The following RFC3 variants were observed in gnomAD, a reference collection of about 807,000 sequenced individuals.
RFC3 encodes replication factor C subunit 3, also known as A1 38 kDa subunit.
In RFC3, 41 loss-of-function variants were observed where a neutral mutation model predicts 45.1. That is an observed-to-expected ratio of 0.91 (90% CI 0.71 to 1.18). The LOEUF is 1.18. RFC3 is among the 50% of genes most tolerant of loss of function. The pLI is 0.00. For missense variants in RFC3, 423 were observed against 428.1 expected (o/e 0.99, Z 0.10); for synonymous variants, 149 against 144.0 (o/e 1.03, Z -0.25).
intron 8 of RFC3, among the ~76,000 whole-genome samples, chr13:33,894,853 ATACT>A (rs1284716350): frequency 6.6e-6 from 1 of 152,212 alleles, no homozygotes; most frequent in African/African-American, 2.4e-5. Context: ...ATAAAGCCAA[ATACT>A]TACAACCAAC....
intron 8 of RFC3, among the ~76,000 whole-genome samples, chr13:33,888,334 G>T (rs1379684248): frequency 2.0e-5 from 3 of 152,148 alleles, no homozygotes; most frequent in Admixed American, 1.3e-4. Flanking sequence ...CACCCTTCAA[G>T]ACTTACCTCA....
At chr13:33,901,747 T>A (rs1055833246) in intron 8 of RFC3, among the ~76,000 whole-genome samples, 10 of 152,226 alleles carry the variant, frequency 6.6e-5, no homozygotes, top group African/African-American at 2.4e-4. Context: ...CCCATGTACA[T>A]TGATTTGATC....
chr13:33,929,407 T>C (rs1462875455), intron 8 of RFC3, among the ~76,000 whole-genome samples: 2 of 152,156 alleles, frequency 1.3e-5, no homozygotes, highest in Non-Finnish European at 2.9e-5. Context: ...CTATACTTTC[T>C]TTATAGAGAT....
intron 8 of RFC3, among the ~76,000 whole-genome samples, chr13:33,842,575 C>G (rs911597094): frequency 1.3e-5 from 2 of 152,166 alleles, no homozygotes; most frequent in Admixed American, 6.5e-5. Flanking sequence ...AATTCTGCTC[C>G]TTTTCCTCAA....
chr13:33,819,258 TA>T (rs2081979650), intron 1 of RFC3, among the ~76,000 whole-genome samples: 1 of 152,178 alleles, frequency 6.6e-6, no homozygotes, highest in South Asian at 2.1e-4. Context: ...TTGTAGTTGA[TA>T]AAAGTGCCCA....
chr13:33,823,707 C>T (rs550444938), intron 2 of RFC3, among the ~76,000 whole-genome samples: 1 of 151,918 alleles, frequency 6.6e-6, no homozygotes, highest in Non-Finnish European at 1.5e-5. Context: ...AAAGTAGTCA[C>T]AATGAAACAG....
chr13:33,851,607 G>C (rs2082277049), intron 8 of RFC3, among the ~76,000 whole-genome samples: 2 of 152,062 alleles, frequency 1.3e-5, no homozygotes, highest in African/African-American at 4.8e-5. Context: ...TGTTGAGGAG[G>C]AGGGGTTGGC....
At chr13:33,852,409 C>T (rs1470698806) in intron 8 of RFC3, among the ~76,000 whole-genome samples, 1 of 152,150 alleles carries the variant, frequency 6.6e-6, no homozygotes, top group Admixed American at 6.5e-5. Context: ...CACCTAAAAC[C>T]GTGTCTTCTG....
chr13:33,915,658 G>T (rs1367959101), intron 8 of RFC3, among the ~76,000 whole-genome samples: 1 of 152,058 alleles, frequency 6.6e-6, no homozygotes, highest in African/African-American at 2.4e-5. Context: ...TTGGGTAGGA[G>T]AGATGGAAGT....
chr13:33,913,601 GTTTC>G (rs1476930106), intron 8 of RFC3, among the ~76,000 whole-genome samples: 1 of 152,054 alleles, frequency 6.6e-6, no homozygotes. Flanking sequence ...CTAAGCCTCA[GTTTC>G]TTTATCTTTA....
chr13:33,960,401 T>C (rs1393293844), intron 8 of RFC3, among the ~76,000 whole-genome samples: 1 of 152,100 alleles, frequency 6.6e-6, no homozygotes, highest in Non-Finnish European at 1.5e-5. Flanking sequence ...GAGTCTAGCT[T>C]CTCCGCAGAA....
At chr13:33,851,301 G>A (rs1284528485) in intron 8 of RFC3, among the ~76,000 whole-genome samples, 1 of 152,084 alleles carries the variant, frequency 6.6e-6, no homozygotes, top group East Asian at 1.9e-4. Flanking sequence ...CAATGTCGGG[G>A]GTTGGAGCAT....
intron 8 of RFC3, among the ~76,000 whole-genome samples, chr13:33,905,200 A>G (rs2082664733): frequency 1.3e-5 from 2 of 150,586 alleles, no homozygotes. Flanking sequence ...ATTGTGCTGT[A>G]GTTGTCTTTA....
chr13:33,821,336 G>A (rs1375487350), intron 2 of RFC3, 67 bp downstream of exon 2: 1 of 1,483,438 alleles, frequency 6.7e-7, no homozygotes, highest in Non-Finnish European at 9.4e-7. Flanking sequence ...GGTCATGTAT[G>A]TCCCCCCAAC....
intron 8 of RFC3, among the ~76,000 whole-genome samples, chr13:33,918,551 A>G (rs1165152350): frequency 6.6e-6 from 1 of 152,206 alleles, no homozygotes; most frequent in Non-Finnish European, 1.5e-5. Flanking sequence ...TATTATTACC[A>G]AAATGACATA....
chr13:33,899,204 C>CAAAAAAAAAATAAAA (rs2082621905), intron 8 of RFC3, among the ~76,000 whole-genome samples: 1 of 51,970 alleles, frequency 1.9e-5, no homozygotes, highest in Non-Finnish European at 3.6e-5. Context: ...CACAATAAGA[C>CAAAAAAAAAATAAAA]AAAAAAAAAA....
intron 8 of RFC3, among the ~76,000 whole-genome samples, chr13:33,892,348 A>G (rs748281627): frequency 6.6e-6 from 1 of 152,206 alleles, no homozygotes; most frequent in Non-Finnish European, 1.5e-5. Context: ...TGTTAATAGA[A>G]GGTTTCATCC....
At chr13:33,864,081 C>T (rs2082358298) in intron 8 of RFC3, among the ~76,000 whole-genome samples, 1 of 152,074 alleles carries the variant, frequency 6.6e-6, no homozygotes, top group South Asian at 2.1e-4. Flanking sequence ...TGGTGGAAGG[C>T]GATGGGGGAC....
At chr13:33,950,055 C>G (rs1353191404) in intron 8 of RFC3, among the ~76,000 whole-genome samples, 1 of 113,970 alleles carries the variant, frequency 8.8e-6, no homozygotes, top group Non-Finnish European at 1.8e-5. Flanking sequence ...CTTTCTCCCT[C>G]TCTCTCTCTC....
Sources: allele counts gnomAD v4.1 joint callset (sites outside exome capture counted in the v4.1 genomes callset), GRCh38; gene constraint gnomAD v4.1.1; transcripts MANE v1.5; gene names NCBI Gene and HGNC (gene_info 2026-07-23, HGNC 2026-07-21).